CDH13: variants seen among roughly 807,000 people sequenced by gnomAD.
CDH13 encodes cadherin 13, also known as cadherin-13.
CDH13 carries 24 observed loss-of-function variants against 63.8 expected under a neutral mutation model. The ratio of observed to expected loss-of-function variants is 0.38; its 90% confidence interval spans 0.27 to 0.53. The LOEUF is 0.53. Among genes scored for constraint, CDH13 ranks in the 20% least tolerant of loss-of-function variants. CDH13 has a pLI of 0.85. For missense variants in CDH13, 1,049 were observed against 903.1 expected (o/e 1.16, Z -2.07); for synonymous variants, 503 against 355.3 (o/e 1.42, Z -4.67).
chr16:82,784,390 A>T lies in CDH13; in HGVS notation c.46-73972A>T, dbSNP rs181934389. ...ACTTGGTCAAATGACCACACCTACC[A>T]GCAAGGGCAATGAGGAAATGTGGTC... On this transcript the variant is annotated intron_variant, in intron 1 of 13. Coordinates refer to ENST00000567109, the MANE Select transcript of CDH13 (RefSeq NM_001257.5). Among the ~76,000 whole-genome samples, 5 of 152,350 alleles carry T rather than the reference A, an allele frequency of 3.3e-5. No individual in the cohort carries two copies. In the East Asian group the frequency reaches 9.6e-4, roughly 29 times the overall value.
At chr16:83,339,187 G>A (rs553495407) in intron 5 of CDH13, among the ~76,000 whole-genome samples, 22 of 152,202 alleles carry the variant, frequency 1.4e-4, no homozygotes, top group African/African-American at 4.8e-4. Context: ...GAGTGGCTGC[G>A]GATAGAAGAG....
chr16:83,189,330 G>A (rs2038624020), intron 4 of CDH13, among the ~76,000 whole-genome samples: 1 of 152,040 alleles, frequency 6.6e-6, no homozygotes, highest in Non-Finnish European at 1.5e-5. Context: ...AGTCTCCCTG[G>A]GACTTGCTGC....
intron 2 of CDH13, among the ~76,000 whole-genome samples, chr16:82,890,014 A>T (rs567164716): frequency 2.6e-5 from 4 of 152,360 alleles, no homozygotes; most frequent in South Asian, 2.1e-4. Flanking sequence ...AAGATTTGTG[A>T]CTACATGGTT....
chr16:82,863,098 G>T (rs986689323), intron 2 of CDH13, among the ~76,000 whole-genome samples: 1 of 152,184 alleles, frequency 6.6e-6, no homozygotes, highest in Non-Finnish European at 1.5e-5. Flanking sequence ...ATCGATGCAG[G>T]ATCACAGTCT....
At chr16:82,651,929 A>G (rs1319515333) in intron 1 of CDH13, among the ~76,000 whole-genome samples, 1 of 152,236 alleles carries the variant, frequency 6.6e-6, no homozygotes, top group Non-Finnish European at 1.5e-5. Context: ...GAGGGAAGAT[A>G]AGACATGACT....
At chr16:83,076,921 A>G (rs2032880510) in intron 3 of CDH13, among the ~76,000 whole-genome samples, 1 of 151,632 alleles carries the variant, frequency 6.6e-6, no homozygotes, top group South Asian at 2.1e-4. Context: ...CAAAAACCGC[A>G]ATTACTTTTG....
chr16:83,138,633 TA>T (rs1414550377), intron 4 of CDH13, among the ~76,000 whole-genome samples: 1 of 152,190 alleles, frequency 6.6e-6, no homozygotes, highest in East Asian at 1.9e-4. Flanking sequence ...GGAAAAATTG[TA>T]AAAACTACTG....
At chr16:83,143,009 C>T (rs2036600623) in intron 4 of CDH13, among the ~76,000 whole-genome samples, 1 of 152,170 alleles carries the variant, frequency 6.6e-6, no homozygotes, top group Non-Finnish European at 1.5e-5. Flanking sequence ...AAGGCTGAGG[C>T]AGGAAAATCG....
intron 2 of CDH13, among the ~76,000 whole-genome samples, chr16:82,963,797 G>A (rs1181848173): frequency 6.6e-6 from 1 of 152,178 alleles, no homozygotes; most frequent in Non-Finnish European, 1.5e-5. Flanking sequence ...CTTGGCACGG[G>A]AAGCCCAGGG....
At chr16:83,336,370 G>A (rs989579848) in intron 5 of CDH13, among the ~76,000 whole-genome samples, 4 of 151,944 alleles carry the variant, frequency 2.6e-5, no homozygotes, top group South Asian at 2.1e-4. Context: ...ACTTATAGAC[G>A]GGTTCCAATA....
In CDH13 at chr16:83,343,654, A is replaced by G. The variant is rs201888214; in HGVS notation, c.637-1208A>G. 5.3e-5 allele frequency among the ~76,000 whole-genome samples: 8 copies of G among 152,224 alleles called. No homozygotes were observed. The East Asian group carries it at 1.5e-3, about 29-fold the overall frequency. Reference sequence around the variant, plus strand: ...TTTCTAATTTGGGCTCTTTTTTGACAATAGTATTGATAATAACTGTAGCAA... The same window carrying G: ...TTTCTAATTTGGGCTCTTTTTTGACGATAGTATTGATAATAACTGTAGCAA... On this transcript the variant is annotated intron_variant, in intron 5 of 13. Transcript: ENST00000567109.
At chr16:83,566,641 G>A (rs768814695) in intron 7 of CDH13, among the ~76,000 whole-genome samples, 26 of 152,108 alleles carry the variant, frequency 1.7e-4, no homozygotes, top group Admixed American at 2.6e-4. Flanking sequence ...TAATGAGGCC[G>A]GGCAGAGCAT....
chr16:82,993,413 A>T (rs967577830), intron 2 of CDH13, among the ~76,000 whole-genome samples: 1 of 149,880 alleles, frequency 6.7e-6, no homozygotes, highest in African/African-American at 2.5e-5. Context: ...ACTCAGTTGA[A>T]AAAAAACAAA....
chr16:82,647,909 C>A (rs1420485294), intron 1 of CDH13, among the ~76,000 whole-genome samples: 2 of 152,048 alleles, frequency 1.3e-5, no homozygotes, highest in East Asian at 1.9e-4. Context: ...ATGGGAGGGA[C>A]CCTGTCGGGG....
chr16:82,832,017 C>T lies in CDH13; in HGVS notation c.46-26345C>T, dbSNP rs558179091. The stretch of plus-strand genomic sequence containing the variant: ...GCTTGGAAGCCAAAGCAAAGTCCCG[C>T]ATATGATAAATTAATTAGAATAGAA... On this transcript the variant is annotated intron_variant, in intron 1 of 13. Transcript: ENST00000567109. 3.9e-5 allele frequency among the ~76,000 whole-genome samples: 6 copies of T among 152,302 alleles called. No homozygotes were observed. In the South Asian group the frequency reaches 1.0e-3, roughly 26 times the overall value.
chr16:83,311,678 T>G (rs909228543), intron 5 of CDH13, among the ~76,000 whole-genome samples: 1 of 152,216 alleles, frequency 6.6e-6, no homozygotes, highest in African/African-American at 2.4e-5. Context: ...TTGAACCCAA[T>G]TAGTCTGACT....
At chr16:83,211,582 G>C (rs1219499436) in intron 4 of CDH13, among the ~76,000 whole-genome samples, 1 of 152,184 alleles carries the variant, frequency 6.6e-6, no homozygotes, top group Non-Finnish European at 1.5e-5. Flanking sequence ...ATGGGACTTT[G>C]CAGGGGAACT....
intron 7 of CDH13, among the ~76,000 whole-genome samples, chr16:83,541,122 C>T (rs1389749998): frequency 1.3e-5 from 2 of 152,130 alleles, no homozygotes; most frequent in Non-Finnish European, 2.9e-5. Flanking sequence ...GCCCAGCTGC[C>T]ACCTCCAGCC....
At chr16:83,553,606 G>C (rs1002315079) in intron 7 of CDH13, among the ~76,000 whole-genome samples, 1 of 152,190 alleles carries the variant, frequency 6.6e-6, no homozygotes, top group African/African-American at 2.4e-5. Flanking sequence ...GCCCAGGCTG[G>C]AGTGCTGAGG....
Sources: allele counts gnomAD v4.1 joint callset (sites outside exome capture counted in the v4.1 genomes callset), GRCh38; gene constraint gnomAD v4.1.1; transcripts MANE v1.5; gene names NCBI Gene and HGNC (gene_info 2026-07-23, HGNC 2026-07-21).